The following HSD17B14 variants were observed in gnomAD, a reference collection of about 807,000 sequenced individuals.
HSD17B14 encodes the protein hydroxysteroid 17-beta dehydrogenase 14.
In HSD17B14, 32 loss-of-function variants were observed where a neutral mutation model predicts 32.2. The ratio of observed to expected loss-of-function variants is 0.99; its 90% CI spans 0.75 to 1.33. The LOEUF (loss-of-function observed/expected upper bound fraction) is 1.33. HSD17B14 is among the 40% of genes most tolerant of loss of function. The pLI is 0.00. For synonymous variants in HSD17B14, 140 were observed against 155.4 expected (o/e 0.90, Z 0.74); for missense variants, 370 against 366.5 (o/e 1.01, Z -0.08).
Position 48,826,542 on chromosome 19 carries a change from T to TATATATATATATACACACAC in HSD17B14, c.369+5125_369+5126insGTGTGTGTATATATATATAT. On this transcript the variant is annotated intron_variant, in intron 5 of 8. Coordinates refer to ENST00000263278, the MANE Select transcript of HSD17B14 (RefSeq NM_016246.3). ...GAAAAGAAGAAAATATATATATATA[T>TATATATATATATACACACAC]ACACACACACACACACACACACACA... Among the ~76,000 whole-genome samples, 29 of 80,110 alleles carry TATATATATATATACACACAC rather than the reference T, an allele frequency of 3.6e-4. 1 individual carries two copies. Among genetic ancestry groups the TATATATATATATACACACAC allele is most frequent in the African/African-American group, 1.5e-3 (29 of 19,078 alleles). The allele number at this position is 80,110 out of a possible 152,430, so 52.6% of individuals were successfully genotyped here.
At chr19:48,814,222 A>G (rs2035013383) in intron 6 of HSD17B14, among the ~76,000 whole-genome samples, 1 of 151,046 alleles carries the variant, frequency 6.6e-6, no homozygotes, top group Non-Finnish European at 1.5e-5. Context: ...AGAAAAGAAA[A>G]GAAAAAAAGA....
At chr19:48,817,697 GGCACATA>G (rs1410719804) in intron 5 of HSD17B14, among the ~76,000 whole-genome samples, 1 of 152,162 alleles carries the variant, frequency 6.6e-6, no homozygotes, top group Non-Finnish European at 1.5e-5. Flanking sequence ...AAAGGTGCCT[GGCACATA>G]GCACATGCTT....
chr19:48,831,893 C>G, intron 4 of HSD17B14, 134 bp from the exon 5 acceptor site: 1 of 605,058 alleles, frequency 1.7e-6, no homozygotes. Context: ...ACCTGGCTGA[C>G]AGGGCAAAAC....
chr19:48,833,157 A>G (rs147497937), intron 3 of HSD17B14, among the ~76,000 whole-genome samples: 1 of 151,384 alleles, frequency 6.6e-6, no homozygotes, highest in African/African-American at 2.4e-5. Flanking sequence ...TCAGGGGACA[A>G]GAGCTAGAGG....
intron 5 of HSD17B14, among the ~76,000 whole-genome samples, chr19:48,830,396 C>T (rs1445176775): frequency 6.6e-6 from 1 of 152,126 alleles, no homozygotes; most frequent in East Asian, 1.9e-4. Context: ...GAACTGTCTG[C>T]TTTCCTGTAA....
chr19:48,822,639 GTGA>G (rs771119520), intron 5 of HSD17B14, among the ~76,000 whole-genome samples: 67 of 150,846 alleles, frequency 4.4e-4, no homozygotes, highest in East Asian at 5.9e-4. Context: ...GGTGGTGATG[GTGA>G]TGATGATTGT....
chr19:48,822,824 AATG>A (rs1457383013), intron 5 of HSD17B14, among the ~76,000 whole-genome samples: 2 of 146,702 alleles, frequency 1.4e-5, no homozygotes, highest in South Asian at 2.2e-4. Context: ...TGGGGATGGT[AATG>A]ATGGTGGTGA....
intron 5 of HSD17B14, among the ~76,000 whole-genome samples, chr19:48,822,995 C>G (rs573418050): frequency 6.6e-6 from 1 of 152,168 alleles, no homozygotes; most frequent in South Asian, 2.1e-4. Context: ...TCCTTTGCAA[C>G]AAGTGCATGA....
intron 2 of HSD17B14, among the ~76,000 whole-genome samples, chr19:48,835,296 G>C (rs868825429): frequency 2.5e-5 from 2 of 81,392 alleles, no homozygotes; most frequent in African/African-American, 9.0e-5. Context: ...GGGAGGAGGG[G>C]ATGGGGGCCT....
intron 5 of HSD17B14, 42 bp from the exon 6 acceptor site, chr19:48,815,183 T>A (rs1200911457): frequency 3.4e-6 from 5 of 1,461,634 alleles, no homozygotes; most frequent in Non-Finnish European, 4.8e-6. Flanking sequence ...AAGCCCTGCA[T>A]CTTCGCAGAC....
chr19:48,815,613 C>T (rs539077717), intron 5 of HSD17B14, among the ~76,000 whole-genome samples: 34 of 152,234 alleles, frequency 2.2e-4, no homozygotes, highest in African/African-American at 7.9e-4. Flanking sequence ...TGGGCTCAAG[C>T]AATCCTCCCC....
rs183241944 is a variant in HSD17B14 at position 48,834,249 on chromosome 19, G to A, written c.210+27C>T. The A allele has an allele frequency of 1.2e-4, 182 of 1,572,918 alleles. No individual in the cohort carries two copies. The African/African-American group carries it at 1.9e-3, about 16-fold the overall frequency. ...CAAAGAACTGGTCATTAGCGGAGATGGGGGTAGGAACAGGAACTCGGCTTA... is the reference window on the plus strand; with the variant it reads ...CAAAGAACTGGTCATTAGCGGAGATAGGGGTAGGAACAGGAACTCGGCTTA... On this transcript the variant is annotated intron_variant, in intron 3 of 8. Coordinates refer to ENST00000263278, the MANE Select transcript of HSD17B14 (RefSeq NM_016246.3).
chr19:48,832,946 G>A (rs937378915), intron 3 of HSD17B14, among the ~76,000 whole-genome samples: 1 of 151,612 alleles, frequency 6.6e-6, no homozygotes, highest in African/African-American at 2.4e-5. Context: ...GTAGAGACAG[G>A]GATTCACTAG....
chr19:48,818,925 G>A (rs1317220765), intron 5 of HSD17B14, among the ~76,000 whole-genome samples: 1 of 152,172 alleles, frequency 6.6e-6, no homozygotes, highest in Admixed American at 6.6e-5. Context: ...AGAAGAACAG[G>A]GGCCAGATCA....
chr19:48,834,412 G>GA, intron 2 of HSD17B14, 54 bp from the exon 3 acceptor site: 2 of 1,165,548 alleles, frequency 1.7e-6, no homozygotes, highest in Non-Finnish European at 2.5e-6. Context: ...GGGAGGAGGG[G>GA]TTGGGGACTT....
At chr19:48,824,452 G>A (rs1205363126) in intron 5 of HSD17B14, among the ~76,000 whole-genome samples, 1 of 150,646 alleles carries the variant, frequency 6.6e-6, no homozygotes, top group Admixed American at 6.7e-5. Flanking sequence ...AAAAAAGGGA[G>A]GGAGGGAGGA....
chr19:48,823,731 G>T (rs1447625815), intron 5 of HSD17B14, among the ~76,000 whole-genome samples: 1 of 149,944 alleles, frequency 6.7e-6, no homozygotes, highest in Non-Finnish European at 1.5e-5. Context: ...CCACCTCCCT[G>T]GGTCCAAGTG....
intron 5 of HSD17B14, among the ~76,000 whole-genome samples, chr19:48,817,960 C>T (rs934875179): frequency 6.6e-6 from 1 of 152,202 alleles, no homozygotes; most frequent in African/African-American, 2.4e-5. Context: ...GCATTTGCTG[C>T]TGGACAGGCT....
intron 5 of HSD17B14, among the ~76,000 whole-genome samples, chr19:48,827,546 C>A (rs576359111): frequency 6.8e-6 from 1 of 148,024 alleles, no homozygotes; most frequent in African/African-American, 2.6e-5. Context: ...TCTTCTCCTT[C>A]GTTTTTTTTT....
Sources: allele counts gnomAD v4.1 joint callset (sites outside exome capture counted in the v4.1 genomes callset), GRCh38; gene constraint gnomAD v4.1.1; transcripts MANE v1.5; gene names NCBI Gene and HGNC (gene_info 2026-07-23, HGNC 2026-07-21).